CTNND1: variants seen among roughly 807,000 people sequenced by gnomAD.
The protein encoded by CTNND1 is catenin delta 1, also known as catenin delta-1.
CTNND1 carries 16 observed loss-of-function variants against 112.1 expected under a neutral mutation model. That is an observed-to-expected ratio of 0.14 (90% CI 0.10 to 0.22). The LOEUF is 0.22. CTNND1 is among the 10% of genes least tolerant of loss of function. CTNND1 has a pLI of 1.00. For synonymous variants in CTNND1, 420 were observed against 446.5 expected (o/e 0.94, Z 0.75); for missense variants, 1,008 against 1,257.0 (o/e 0.80, Z 3.00).
At chr11:57,776,867 A>C (rs2136204546) in intron 1 of CTNND1, among the ~76,000 whole-genome samples, 1 of 152,084 alleles carries the variant, frequency 6.6e-6, no homozygotes, top group African/African-American at 2.4e-5. Context: ...GGGTGTGTTC[A>C]GTTCTCTGTC....
chr11:57,774,430 A>G (rs763762955), intron 1 of CTNND1, among the ~76,000 whole-genome samples: 1 of 152,192 alleles, frequency 6.6e-6, no homozygotes, highest in African/African-American at 2.4e-5. Flanking sequence ...GGTGCTGGCA[A>G]GTGAGACAGT....
intron 1 of CTNND1, among the ~76,000 whole-genome samples, chr11:57,777,478 C>T (rs1416402243): frequency 6.6e-6 from 1 of 152,160 alleles, no homozygotes; most frequent in Non-Finnish European, 1.5e-5. Context: ...CCATGTTGGC[C>T]AGCCTGGTCT....
At chr11:57,803,933 G>C (rs2062330936) in intron 8 of CTNND1, 129 bp downstream of exon 8, 1 of 630,552 alleles carries the variant, frequency 1.6e-6, no homozygotes, top group African/African-American at 1.9e-5. Flanking sequence ...ATTGCATACT[G>C]TAACTCCAAC....
chr11:57,770,668 T>G (rs491416), intron 1 of CTNND1, among the ~76,000 whole-genome samples: 1,528 of 149,942 alleles, frequency 0.01, 17 homozygotes, highest in East Asian at 0.05. Context: ...AATAAAAAAA[T>G]AAAAAAAAAG....
At chr11:57,806,611 C>A in intron 11 of CTNND1, 133 bp downstream of exon 11, 1 of 817,146 alleles carries the variant, frequency 1.2e-6, no homozygotes, top group Non-Finnish European at 2.0e-6. Flanking sequence ...GACACTGAAA[C>A]AAGTTTAGCT....
intron 1 of CTNND1, among the ~76,000 whole-genome samples, chr11:57,782,616 C>G (rs1485609695): frequency 6.6e-6 from 1 of 152,148 alleles, no homozygotes. Context: ...GTGATTGGCA[C>G]AAGAGTAGGT....
intron 20 of CTNND1, 68 bp from the exon 21 acceptor site, chr11:57,816,229 C>CT: frequency 4.4e-6 from 7 of 1,597,132 alleles, no homozygotes; most frequent in South Asian, 1.1e-5. Context: ...ATTTGCTCAA[C>CT]TTTTTTGGGG....
chr11:57,775,047 T>C (rs903146919), intron 1 of CTNND1, among the ~76,000 whole-genome samples: 1 of 151,228 alleles, frequency 6.6e-6, no homozygotes, highest in African/African-American at 2.4e-5. Flanking sequence ...AGACATGAAT[T>C]CCCAGACTTC....
chr11:57,775,373 CAA>C (rs1272805823), intron 1 of CTNND1, among the ~76,000 whole-genome samples: 3 of 144,178 alleles, frequency 2.1e-5, no homozygotes, highest in Non-Finnish European at 3.0e-5. Context: ...ACACACAAAA[CAA>C]GAGAAGTACA....
intron 11 of CTNND1, 74 bp from the exon 12 acceptor site, chr11:57,806,840 GA>G: frequency 1.5e-6 from 2 of 1,307,860 alleles, no homozygotes; most frequent in Non-Finnish European, 1.1e-6. Context: ...ACTGAAGGAT[GA>G]AAAATGTGCC....
chr11:57,796,002 GGAAA>G (rs2061319133), intron 5 of CTNND1, among the ~76,000 whole-genome samples: 1 of 152,086 alleles, frequency 6.6e-6, no homozygotes, highest in East Asian at 1.9e-4. Context: ...CCTATAGGAT[GGAAA>G]GAAAGATAGA....
intron 14 of CTNND1, 66 bp from the exon 15 acceptor site, chr11:57,809,208 G>A (rs1417887280): frequency 1.4e-5 from 16 of 1,155,604 alleles, no homozygotes; most frequent in Non-Finnish European, 1.9e-5. Flanking sequence ...ATGCAGTTAA[G>A]TATAATGTAA....
intron 1 of CTNND1, among the ~76,000 whole-genome samples, chr11:57,783,281 A>AAAAC (rs899627795): frequency 1.2e-4 from 18 of 151,828 alleles, no homozygotes; most frequent in African/African-American, 3.1e-4. Flanking sequence ...CTCCATCTCA[A>AAAAC]AAACAAACAA....
At chr11:57,816,168 C>T (rs1591729253) in intron 20 of CTNND1, 129 bp from the exon 21 acceptor site, 1 of 1,264,928 alleles carries the variant, frequency 7.9e-7, no homozygotes, top group East Asian at 2.3e-5. Flanking sequence ...GAGTCTGGGA[C>T]ATGCAGCTGG....
intron 16 of CTNND1, among the ~76,000 whole-genome samples, chr11:57,810,611 C>T (rs1316035068): frequency 1.3e-5 from 2 of 151,970 alleles, no homozygotes; most frequent in Non-Finnish European, 2.9e-5. Context: ...AGGCATGAGC[C>T]ATCACACCTG....
chr11:57,763,056 T>A (rs7120868), intron 1 of CTNND1, among the ~76,000 whole-genome samples: 1 of 152,012 alleles, frequency 6.6e-6, no homozygotes, highest in Non-Finnish European at 1.5e-5. Context: ...TAAACCAACC[T>A]GAAAGTTGTT....
At chr11:57,792,532 C>T (rs748158743) in intron 3 of CTNND1, among the ~76,000 whole-genome samples, 2 of 152,186 alleles carry the variant, frequency 1.3e-5, no homozygotes, top group Non-Finnish European at 2.9e-5. Context: ...GTACTCATGC[C>T]CTGATAGTCC....
chr11:57,780,071 T>TTTTTTTGGG (rs58673483), intron 1 of CTNND1, among the ~76,000 whole-genome samples: 1 of 129,196 alleles, frequency 7.7e-6, no homozygotes, highest in Non-Finnish European at 1.6e-5. Context: ...TTTTTTTTTT[T>TTTTTTTGGG]GAGACAGGGT....
chr11:57,800,731 A>T (rs1380694058), intron 6 of CTNND1, among the ~76,000 whole-genome samples: 2 of 152,182 alleles, frequency 1.3e-5, no homozygotes, highest in African/African-American at 4.8e-5. Context: ...TAGAACAAAC[A>T]ATGGCTTATT....
Sources: allele counts gnomAD v4.1 joint callset (sites outside exome capture counted in the v4.1 genomes callset), GRCh38; gene constraint gnomAD v4.1.1; transcripts MANE v1.5; gene names NCBI Gene and HGNC (gene_info 2026-07-23, HGNC 2026-07-21).